Variants in PDK3 observed in about 807,000 individuals in gnomAD.
PDK3 encodes the protein pyruvate dehydrogenase kinase, isozyme 3.
PDK3 carries 12 observed loss-of-function variants against 32.0 expected under a neutral mutation model. The observed-to-expected ratio is 0.37, with a 90% confidence interval of 0.24 to 0.61. The LOEUF is 0.61. Ranked by LOEUF, PDK3 falls within the 20% of genes least tolerant of loss-of-function variation. The pLI, the probability that PDK3 is intolerant of heterozygous loss-of-function variation, is 0.65. For missense variants in PDK3, 188 were observed against 316.9 expected (o/e 0.59, Z 3.09); for synonymous variants, 122 against 116.3 (o/e 1.05, Z -0.31).
At chrX:24,498,706 C>T (rs939944811) in intron 2 of PDK3, 123 bp from the exon 3 acceptor site, 7 of 395,479 alleles carry the variant, frequency 1.8e-5, no homozygotes, top group Admixed American at 1.7e-4. Context: ...ATGGGGGATG[C>T]GGATGGGATG....
chrX:24,525,189 C>T (rs1438168921), intron 6 of PDK3, among the ~76,000 whole-genome samples: 1 of 111,216 alleles, frequency 9.0e-6, no homozygotes, highest in Non-Finnish European at 1.9e-5. Flanking sequence ...AAAATAATTG[C>T]TCTTTGAAGA....
intron 1 of PDK3, among the ~76,000 whole-genome samples, chrX:24,466,267 AC>A (rs1019284233): frequency 1.8e-5 from 2 of 111,986 alleles, no homozygotes; most frequent in Non-Finnish European, 3.8e-5. Context: ...TTGAGGTGGG[AC>A]CAAAGAAGAT....
chrX:24,498,809 T>C lies in PDK3; in HGVS notation c.249-20T>C. 2 of 305,409 alleles carry C rather than the reference T, an allele frequency of 6.5e-6. No individual in the cohort carries two copies. The highest frequency in any genetic ancestry group is 9.3e-5 in the South Asian group (1 of 10,770). 25.2% of individuals were successfully genotyped at this position (305,409 alleles called of 1,213,427 possible). On this transcript the variant is annotated intron_variant, in intron 2 of 10. Coordinates refer to ENST00000379162, the MANE Select transcript of PDK3 (RefSeq NM_005391.5). Reference sequence around the variant, plus strand: ...ACTAACATAGTAACTCTTCTTTTTCTTTTTTTTTTTTCCTTTTAGGTATAT... The same window carrying C: ...ACTAACATAGTAACTCTTCTTTTTCCTTTTTTTTTTTCCTTTTAGGTATAT...
chrX:24,511,784 G>C (rs754245235), intron 5 of PDK3, among the ~76,000 whole-genome samples: 3 of 107,005 alleles, frequency 2.8e-5, no homozygotes, highest in Non-Finnish European at 5.8e-5. Flanking sequence ...GGAGACGGAG[G>C]TTGCAGTGAG....
Position 24,531,763 on chromosome X carries a change from A to G in PDK3, c.1070A>G (p.Tyr357Cys). 4.6e-6 allele frequency: 5 copies of G among 1,089,994 alleles called. No individual in the cohort carries two copies. Among genetic ancestry groups the G allele is most frequent in the Non-Finnish European group, 6.3e-6 (5 of 788,407 alleles). The allele number at this position is 1,089,994 out of a possible 1,213,427, so 89.8% of individuals were successfully genotyped here. The change falls in exon 10 of 11, where the codon TAT becomes TGT. Residue 357 changes from tyrosine (Y) to cysteine (C), a missense_variant. By Grantham distance (194) the Tyr-to-Cys change is radical. Transcript: ENST00000379162. The part of the protein sequence containing the change: ...MEGVGTDAVI[Y>C]LKALSSESFE... ...GGAGTGGGTACTGATGCTGTCATTT[A>G]TTTGAAGGTACTGCGTTTTATTTGT...
At chrX:24,482,969 T>C (rs930490247) in intron 1 of PDK3, among the ~76,000 whole-genome samples, 2 of 112,397 alleles carry the variant, frequency 1.8e-5, no homozygotes, top group African/African-American at 6.5e-5. Flanking sequence ...AGGTGCTTGG[T>C]AGATGTTGGT....
At chrX:24,468,033 A>G (rs1940078865) in intron 1 of PDK3, among the ~76,000 whole-genome samples, 2 of 112,029 alleles carry the variant, frequency 1.8e-5, no homozygotes, top group African/African-American at 6.5e-5. Context: ...GCCTTTCTCC[A>G]TGGGTACTTT....
chrX:24,518,585 G>T (rs1244804221), intron 5 of PDK3, among the ~76,000 whole-genome samples: 1 of 112,248 alleles, frequency 8.9e-6, no homozygotes, highest in Non-Finnish European at 1.9e-5. Flanking sequence ...TTGGAAGGCT[G>T]AGGCGGGAGG....
chrX:24,535,460 G>T (rs1238442305), downstream of PDK3, among the ~76,000 whole-genome samples: 1 of 97,495 alleles, frequency 1.0e-5, no homozygotes, highest in Non-Finnish European at 2.0e-5. Context: ...AGCCAAGATA[G>T]TACCACTGCA....
chrX:24,518,796 C>G (rs1462242680), intron 5 of PDK3, 137 bp from the exon 6 acceptor site: 2 of 357,009 alleles, frequency 5.6e-6, no homozygotes, highest in Non-Finnish European at 9.8e-6. Flanking sequence ...TCCGTTTAGA[C>G]AGTTTATCTT....
intron 1 of PDK3, among the ~76,000 whole-genome samples, chrX:24,474,537 C>T (rs150913967): frequency 0.068 from 7,449 of 109,569 alleles, 278 homozygotes; most frequent in Middle Eastern, 0.11. Context: ...CCTCAGCCTC[C>T]CGAGTACCTG....
chrX:24,527,084 A>G (rs1318649389), intron 7 of PDK3, among the ~76,000 whole-genome samples: 1 of 111,483 alleles, frequency 9.0e-6, no homozygotes, highest in Non-Finnish European at 1.9e-5. Context: ...TTTAACCAAT[A>G]TTTCTTCTAC....
At chrX:24,499,144 C>G (rs1198544488) in intron 3 of PDK3, 12 of 219,620 alleles carry the variant, frequency 5.5e-5, no homozygotes, top group Non-Finnish European at 9.8e-5. Flanking sequence ...TACCTTTACC[C>G]AAGGTGAACT....
chrX:24,522,168 T>C (rs769027271), intron 6 of PDK3, among the ~76,000 whole-genome samples: 9 of 112,121 alleles, frequency 8.0e-5, no homozygotes, highest in Non-Finnish European at 1.5e-4. Flanking sequence ...ATTTCTGAAG[T>C]CTTGAGCATG....
In PDK3 at chrX:24,474,383, T is replaced by TTTTATTTATTTATTTATTTA. The variant is rs57520211; in HGVS notation, c.106+8850_106+8869dup. Reference sequence around the variant, plus strand: ...TCATTTAGTCAGTTATATAAGTTTATTTTATTTATTTATTTATTTATTTAT... The same window carrying TTTTATTTATTTATTTATTTA: ...TCATTTAGTCAGTTATATAAGTTTATTTTATTTATTTATTTATTTATTTATTTATTTATTTATTTATTTAT... On this transcript the variant is annotated intron_variant, in intron 1 of 10. Coordinates refer to ENST00000379162, the MANE Select transcript of PDK3 (RefSeq NM_005391.5). Among the ~76,000 whole-genome samples, 4 of 96,805 alleles carry TTTTATTTATTTATTTATTTA rather than the reference T, an allele frequency of 4.1e-5. 1 individual carries two copies. The highest frequency in any genetic ancestry group is 7.7e-5 in the African/African-American group (2 of 26,129). The allele number at this position is 96,805 out of a possible 115,157, so 84.1% of individuals were successfully genotyped here.
chrX:24,512,664 G>A (rs1279729390), intron 5 of PDK3, among the ~76,000 whole-genome samples: 1 of 111,589 alleles, frequency 9.0e-6, no homozygotes, highest in Non-Finnish European at 1.9e-5. Context: ...TCGGGAGGCT[G>A]AGACAGGAGA....
intron 7 of PDK3, among the ~76,000 whole-genome samples, chrX:24,527,227 T>C (rs764127473): frequency 1.7e-4 from 18 of 107,191 alleles, no homozygotes; most frequent in Non-Finnish European, 2.9e-4. Context: ...AGCCTCTGCA[T>C]AGCCTCATTA....
chrX:24,530,899 A>G (rs143339650), intron 9 of PDK3, among the ~76,000 whole-genome samples: 20 of 111,509 alleles, frequency 1.8e-4, no homozygotes, highest in East Asian at 8.4e-4. Context: ...TTTCCTTTCC[A>G]TGTTCTCGTC....
intron 1 of PDK3, among the ~76,000 whole-genome samples, chrX:24,489,508 A>T (rs1011074570): frequency 3.6e-5 from 4 of 109,878 alleles, no homozygotes; most frequent in African/African-American, 1.3e-4. Flanking sequence ...AACATGGTGA[A>T]ACCTCATCTC....
Sources: gnomAD v4.1 joint callset for allele counts (sites outside exome capture counted in the v4.1 genomes callset) on GRCh38, gnomAD v4.1.1 for gene constraint, MANE v1.5 for transcripts, NCBI Gene and HGNC (gene_info 2026-07-23, HGNC 2026-07-21) for gene names.